TENM3: variants seen among roughly 807,000 people sequenced by gnomAD.
The protein encoded by TENM3 is teneurin transmembrane protein 3, also known as teneurin-3.
TENM3 carries 63 observed loss-of-function variants against 255.1 expected under a neutral mutation model. The ratio of observed to expected loss-of-function variants is 0.25; its 90% confidence interval spans 0.20 to 0.30. TENM3 has a LOEUF of 0.30. TENM3 is among the 10% of genes least tolerant of loss of function. The pLI, the probability that TENM3 is intolerant of heterozygous loss-of-function variation, is 1.00. For synonymous variants in TENM3, 1,306 were observed against 1,322.3 expected, an observed-to-expected ratio of 0.99 and a Z score of 0.27; for missense variants, 2,929 against 3,461.1, an observed-to-expected ratio of 0.85 and a Z score of 3.86.
intron 6 of TENM3, among the ~76,000 whole-genome samples, chr4:182,665,226 A>T (rs1035669347): frequency 5.3e-5 from 8 of 152,190 alleles, no homozygotes; most frequent in African/African-American, 1.9e-4. Flanking sequence ...GAATTATGCT[A>T]ATTCTACTCT....
intron 1 of TENM3, among the ~76,000 whole-genome samples, chr4:182,311,405 ATCTC>A (rs1181742620): frequency 3.3e-5 from 5 of 152,106 alleles, no homozygotes; most frequent in Non-Finnish European, 7.4e-5. Context: ...CATTGCTGTC[ATCTC>A]TCTCTCTCTT....
chr4:182,429,829 T>C (rs1450039348), intron 3 of TENM3, among the ~76,000 whole-genome samples: 1 of 152,236 alleles, frequency 6.6e-6, no homozygotes, highest in African/African-American at 2.4e-5. Flanking sequence ...AACACTGCCT[T>C]TGAGATCTTA....
intron 1 of TENM3, among the ~76,000 whole-genome samples, chr4:182,234,920 G>A (rs1375009376): frequency 6.6e-6 from 1 of 152,134 alleles, no homozygotes; most frequent in Non-Finnish European, 1.5e-5. Context: ...CTCCCTGGAG[G>A]AGGTGAAATG....
intron 13 of TENM3, among the ~76,000 whole-genome samples, chr4:182,716,318 G>A (rs759235277): frequency 9.2e-5 from 14 of 152,184 alleles, no homozygotes; most frequent in Non-Finnish European, 1.8e-4. Flanking sequence ...CAACTCTTTA[G>A]TGGTATTATC....
the TENM3 span, among the ~76,000 whole-genome samples, chr4:181,818,281 C>T: frequency 2.2e-4 from 33 of 152,084 alleles, no homozygotes; most frequent in African/African-American, 5.8e-4. Flanking sequence ...ACTTGAAGTA[C>T]GGGAGATTAT....
intron 6 of TENM3, among the ~76,000 whole-genome samples, chr4:182,656,683 G>T (rs1331418867): frequency 6.6e-6 from 1 of 152,146 alleles, no homozygotes; most frequent in Non-Finnish European, 1.5e-5. Flanking sequence ...AAAGCATAGT[G>T]AGAAAATTAT....
the TENM3 span, among the ~76,000 whole-genome samples, chr4:181,888,568 GTATATATAT>G: frequency 3.5e-4 from 23 of 66,286 alleles, no homozygotes; most frequent in African/African-American, 1.3e-3. Flanking sequence ...ATACATATAT[GTATATATAT>G]ACATATATAT....
At chr4:181,654,254 C>T in the TENM3 span, among the ~76,000 whole-genome samples, 37 of 149,968 alleles carry the variant, frequency 2.5e-4, no homozygotes, top group South Asian at 4.2e-4. Flanking sequence ...AAAAAGAAGT[C>T]CAAACTCGTG....
chr4:182,312,398 A>G, intron 1 of TENM3, among the ~76,000 whole-genome samples: 1 of 152,076 alleles, frequency 6.6e-6, no homozygotes, highest in Non-Finnish European at 1.5e-5. Flanking sequence ...AATAGAGGTT[A>G]TTATTATTAC....
At chr4:182,662,410 G>A (rs980828011) in intron 6 of TENM3, among the ~76,000 whole-genome samples, 4 of 152,104 alleles carry the variant, frequency 2.6e-5, no homozygotes, top group African/African-American at 9.7e-5. Context: ...GACGTGGTAC[G>A]TTTCACTCTT....
chr4:182,481,829 C>T (rs563860658), intron 3 of TENM3, among the ~76,000 whole-genome samples: 1 of 152,264 alleles, frequency 6.6e-6, no homozygotes, highest in South Asian at 2.1e-4. Context: ...CAATAAAATA[C>T]AATACAATTA....
the TENM3 span, among the ~76,000 whole-genome samples, chr4:182,042,419 C>T: frequency 6.6e-6 from 1 of 152,076 alleles, no homozygotes; most frequent in Non-Finnish European, 1.5e-5. Flanking sequence ...CTAAGTGTCC[C>T]CCTCAGGATG....
the TENM3 span, among the ~76,000 whole-genome samples, chr4:181,520,216 G>A: frequency 6.6e-6 from 1 of 152,160 alleles, no homozygotes; most frequent in South Asian, 2.1e-4. Flanking sequence ...CTTATCATTT[G>A]ATGTGGCACT....
chr4:181,651,339 C>T, the TENM3 span, among the ~76,000 whole-genome samples: 1 of 152,140 alleles, frequency 6.6e-6, no homozygotes, highest in African/African-American at 2.4e-5. Context: ...GTGGCTCACA[C>T]CTGTAATCCC....
intron 3 of TENM3, among the ~76,000 whole-genome samples, chr4:182,564,508 TCTTCACCACACCGAACATTCCCAATTC>T (rs1296916742): frequency 6.6e-6 from 1 of 151,894 alleles, no homozygotes; most frequent in African/African-American, 2.4e-5. Flanking sequence ...TCAATTATTC[TCTTCACCACACCGAACATTCCCAATTC>T]CTTTCTTGGT....
chr4:182,024,436 T>C, the TENM3 span, among the ~76,000 whole-genome samples: 1 of 152,176 alleles, frequency 6.6e-6, no homozygotes, highest in East Asian at 1.9e-4. Flanking sequence ...TGTTTACATA[T>C]TTATGTATGC....
intron 13 of TENM3, among the ~76,000 whole-genome samples, chr4:182,718,176 TAA>T (rs565679903): frequency 6.8e-6 from 1 of 148,100 alleles, no homozygotes; most frequent in Non-Finnish European, 1.5e-5. Flanking sequence ...TTATTACACG[TAA>T]AAAAAAAAAT....
chr4:181,542,577 G>A, the TENM3 span, among the ~76,000 whole-genome samples: 5 of 152,338 alleles, frequency 3.3e-5, no homozygotes, highest in East Asian at 1.9e-4. Context: ...AGAAGCACAT[G>A]TATTTAAAAC....
intron 4 of TENM3, among the ~76,000 whole-genome samples, chr4:182,603,765 T>TTTTATATATATATATATATG (rs778280837): frequency 1.0e-5 from 1 of 95,504 alleles, no homozygotes; most frequent in Non-Finnish European, 2.4e-5. Flanking sequence ...TGGCAATTAT[T>TTTTATATATATATATATATG]TATATATATA....
Sources: gnomAD v4.1 joint callset for allele counts (sites outside exome capture counted in the v4.1 genomes callset) on GRCh38, gnomAD v4.1.1 for gene constraint, MANE v1.5 for transcripts, NCBI Gene and HGNC (gene_info 2026-07-23, HGNC 2026-07-21) for gene names.